The following ULK2 variants were observed in gnomAD, a reference collection of about 807,000 sequenced individuals.
The protein encoded by ULK2 is serine/threonine-protein kinase ULK2.
ULK2 carries 76 observed loss-of-function variants against 127.5 expected under a neutral mutation model. The ratio of observed to expected loss-of-function variants is 0.60; its 90% CI spans 0.50 to 0.72. The LOEUF (loss-of-function observed/expected upper bound fraction) is 0.72. ULK2 is among the 30% of genes least tolerant of loss of function. The pLI, the probability that ULK2 is intolerant of heterozygous loss-of-function variation, is 0.00. For synonymous variants in ULK2, 452 were observed against 461.9 expected (o/e 0.98, Z 0.28); for missense variants, 1,144 against 1,295.9 (o/e 0.88, Z 1.80).
intron 14 of ULK2, among the ~76,000 whole-genome samples, chr17:19,807,678 A>C (rs1268937588): frequency 6.6e-6 from 1 of 152,108 alleles, no homozygotes; most frequent in Non-Finnish European, 1.5e-5. Context: ...GCAGCACATC[A>C]AAAGAAGTGA....
Position 19,804,694 on chromosome 17 carries a change from T to C in ULK2, c.1294A>G (p.Arg432Gly), listed in dbSNP as rs1210580180. The change falls in exon 15 of 27, where the codon AGA (arginine) becomes GGA (glycine). Residue 432 changes from arginine (R) to glycine (G), a missense_variant and splice_region_variant. This residue lies in a region of ULK2 where 913 missense variants were observed against 970.5 expected (regional missense o/e 0.94). Coordinates refer to ENST00000395544, the MANE Select transcript of ULK2 (RefSeq NM_014683.4). Reference protein sequence around the residue: ...SSGTNVHGSPRSAVVRRSNTS... With the variant: ...SSGTNVHGSPGSAVVRRSNTS... Reference sequence around the variant, plus strand: ...GCAAGAAAAAAGCTACTAACTTACCTTGGAGAACCATGTACATTTGTGCCT... The same window carrying C: ...GCAAGAAAAAAGCTACTAACTTACCCTGGAGAACCATGTACATTTGTGCCT... 6.3e-7 allele frequency: 1 copy of C among 1,591,714 alleles called. No homozygotes were observed. The highest frequency in any genetic ancestry group is 8.6e-7 in the Non-Finnish European group (1 of 1,169,300).
chr17:19,836,895 ACT>A (rs1224286325), intron 10 of ULK2, among the ~76,000 whole-genome samples: 3 of 151,966 alleles, frequency 2.0e-5, no homozygotes, highest in Admixed American at 6.6e-5. Flanking sequence ...ACAGAGCGAG[ACT>A]CTGTCTCAAA....
Position 19,852,263 on chromosome 17 carries a change from T to C in ULK2, c.226-2489A>G, listed in dbSNP as rs2152400157. On this transcript the variant is annotated intron_variant, in intron 3 of 26. Transcript: ENST00000395544. ...AGCACTGGGCGCAGTGGCTCACGCCTGTAATCCCAGCACTTTGGGAGGCCG... is the reference window on the plus strand; with the variant it reads ...AGCACTGGGCGCAGTGGCTCACGCCCGTAATCCCAGCACTTTGGGAGGCCG... 2.6e-5 allele frequency among the ~76,000 whole-genome samples: 4 copies of C among 152,004 alleles called. 1 individual carries two copies. In the Middle Eastern group the frequency reaches 0.014, roughly 517 times the overall value.
chr17:19,778,908 T>C (rs970942480), intron 25 of ULK2, among the ~76,000 whole-genome samples: 3 of 152,190 alleles, frequency 2.0e-5, no homozygotes, highest in African/African-American at 7.2e-5. Context: ...AACGGAGGAA[T>C]TTATAAGTTA....
rs2086902959 is a variant in ULK2 at position 19,780,846 on chromosome 17, A to G, written c.2758+140T>C. 4.1e-6 allele frequency: 4 copies of G among 970,906 alleles called. No homozygotes were observed. In the South Asian group the frequency reaches 5.1e-5, roughly 12 times the overall value. 60.1% of individuals were successfully genotyped at this position (970,906 alleles called of 1,614,324 possible). A position where few individuals can be genotyped will look rare whatever the true frequency, so the allele number is the denominator to read the frequency against. ...CTATCAATTGAACTGCAAAAAGCTA[A>G]CAACCCAGCATCTTTTCCCTTTAAG... is the stretch of plus-strand genomic sequence containing the variant. On this transcript the variant is annotated intron_variant, in intron 24 of 26. Coordinates refer to ENST00000395544, the MANE Select transcript of ULK2 (RefSeq NM_014683.4).
At chr17:19,780,717 G>C in intron 24 of ULK2, 88 bp from the exon 25 acceptor site, 1 of 1,350,842 alleles carries the variant, frequency 7.4e-7, no homozygotes, top group Non-Finnish European at 1.0e-6. Flanking sequence ...TGATATATAG[G>C]GAAGGTGTCA....
intron 5 of ULK2, among the ~76,000 whole-genome samples, chr17:19,847,413 T>G (rs987542349): frequency 6.6e-6 from 1 of 152,220 alleles, no homozygotes; most frequent in East Asian, 1.9e-4. Flanking sequence ...CTGCATCTAC[T>G]CTGTCCTTTT....
Position 19,797,441 on chromosome 17 carries a change from C to A in ULK2, c.1764G>T (p.Trp588Cys), listed in dbSNP as rs867494204. ...TTGTTGGCAAAGGAGTTTTAAAGAA[C>A]CAGTCAGAACTCCGTGGAGAGGACC... ...HLGSSPRSSD[W>C]FFKTPLPTII... Residue 588 changes from tryptophan (W) to cysteine (C), a missense_variant, in exon 18 of 27, where the codon TGG becomes TGT. Coordinates refer to ENST00000395544, the MANE Select transcript of ULK2 (RefSeq NM_014683.4). 1 of 1,613,478 alleles carries A rather than the reference C, an allele frequency of 6.2e-7. No homozygotes were observed. The highest frequency in any genetic ancestry group is 8.5e-7 in the Non-Finnish European group (1 of 1,179,840).
chr17:19,849,515 T>C (rs1567723147), intron 4 of ULK2, 110 bp from the exon 5 acceptor site: 2 of 1,154,874 alleles, frequency 1.7e-6, no homozygotes, highest in Non-Finnish European at 2.5e-6. Context: ...CATGTAAATA[T>C]AGCCTAAAAA....
intron 22 of ULK2, 42 bp downstream of exon 22, chr17:19,783,655 C>G (rs751699863): frequency 1.0e-5 from 14 of 1,378,840 alleles, no homozygotes; most frequent in Non-Finnish European, 1.3e-5. Flanking sequence ...GTTCTCATAT[C>G]AAATCAACAT....
chr17:19,802,756 G>A (rs2087427121), intron 15 of ULK2, among the ~76,000 whole-genome samples: 1 of 152,158 alleles, frequency 6.6e-6, no homozygotes, highest in Admixed American at 6.5e-5. Context: ...ATGTGGATCT[G>A]AAACCAGATT....
chr17:19,811,762 A>G (rs2087646303), intron 13 of ULK2, among the ~76,000 whole-genome samples: 1 of 152,178 alleles, frequency 6.6e-6, no homozygotes, highest in South Asian at 2.1e-4. Flanking sequence ...TTTGAAACTC[A>G]ATAATTTGAT....
rs2041896649 is a variant in ULK2 at position 19,846,895 on chromosome 17, C to A, written c.311G>T (p.Ser104Ile). The change falls in exon 6 of 27, where the codon AGT becomes ATT. Residue 104 changes from serine (S) to isoleucine (I), a missense_variant. Physicochemically the swap from Ser to Ile is moderately radical, Grantham distance 142 (BLOSUM62 -2). This residue lies in a region of ULK2 where 231 missense variants were observed against 325.4 expected (regional missense o/e 0.71). Coordinates refer to ENST00000395544, the MANE Select transcript of ULK2 (RefSeq NM_014683.4). ...ADYLQAKGTL[S>I]EDTIRVFLHQ... is the part of the protein sequence containing the mutation. ...CAGAAACACTCTGATCGTGTCTTCA[C>A]TGAGAGTCCCTTTCGCTGGTACAAA... The A allele has an allele frequency of 4.3e-6, 7 of 1,609,536 alleles. No individual in the cohort carries two copies. Among genetic ancestry groups the A allele is most frequent in the Non-Finnish European group, 5.9e-6 (7 of 1,178,198 alleles).
rs1410207079 is a variant in ULK2, at chr17:19,810,448, A to G, written c.1097-10T>C. 1 of 1,572,730 alleles carries G rather than the reference A, an allele frequency of 6.4e-7. No homozygotes were observed. Among genetic ancestry groups the G allele is most frequent in the Non-Finnish European group, 8.7e-7 (1 of 1,154,190 alleles). On this transcript the variant is annotated splice_polypyrimidine_tract_variant and intron_variant, in intron 13 of 26. Coordinates refer to ENST00000395544, the MANE Select transcript of ULK2 (RefSeq NM_014683.4). Reference sequence around the variant, plus strand: ...CCCACTGGCATATCACCTAAAGGAGAGAAAAGAACAATCAGTTCCTGTTAT... The same window carrying G: ...CCCACTGGCATATCACCTAAAGGAGGGAAAAGAACAATCAGTTCCTGTTAT...
At chr17:19,783,581 G>T in intron 22 of ULK2, 116 bp downstream of exon 22, 1 of 1,052,050 alleles carries the variant, frequency 9.5e-7, no homozygotes, top group Admixed American at 3.1e-5. Context: ...AACAGAAAAG[G>T]CACGTTAAAG....
rs2086929854 is a variant in ULK2, at chr17:19,782,025, T to C, written c.2503A>G (p.Met835Val). ...AGGTCCAGCACACACTCAGTGAACA[T>C]CAGCATCACATTCAGATGGCGTAAG... is the stretch of plus-strand genomic sequence containing the variant. Reference protein sequence around the residue: ...DTLRHLNVMLMFTECVLDLTA... With the variant: ...DTLRHLNVMLVFTECVLDLTA... The change falls in exon 23 of 27, where the codon ATG becomes GTG. Residue 835 changes from methionine (M) to valine (V), a missense_variant. By Grantham distance (21) the Met-to-Val change is conservative. This residue lies in a region of ULK2 where 913 missense variants were observed against 970.5 expected (regional missense o/e 0.94). Coordinates refer to ENST00000395544, the MANE Select transcript of ULK2 (RefSeq NM_014683.4). 3 of 1,614,054 alleles carry C rather than the reference T, an allele frequency of 1.9e-6. No homozygotes were observed. The highest frequency in any genetic ancestry group is 2.5e-6 in the Non-Finnish European group (3 of 1,180,038).
rs2086737923 is a variant in ULK2, at chr17:19,771,643, A to C, written c.*4706T>G. The C allele has an allele frequency of 6.6e-6, 1 of 152,168 alleles. No homozygotes were observed. The highest frequency in any genetic ancestry group is 1.5e-5 in the Non-Finnish European group (1 of 68,036). 9.4% of individuals were successfully genotyped at this position (152,168 alleles called of 1,614,324 possible). The stretch of plus-strand genomic sequence containing the variant: ...CTGGGCAAAGAATTTCATATTCATT[A>C]ACTTATTTCTCACCTCAACTCTGTG... On this transcript the variant is annotated 3_prime_UTR_variant, in exon 27 of 27. Coordinates refer to ENST00000395544, the MANE Select transcript of ULK2 (RefSeq NM_014683.4).
At chr17:19,863,391 G>T (rs2042283786) in intron 3 of ULK2, among the ~76,000 whole-genome samples, 1 of 151,982 alleles carries the variant, frequency 6.6e-6, no homozygotes, top group African/African-American at 2.4e-5. Flanking sequence ...ATGCTGACCT[G>T]CCCTGCAGTG....
rs1412510597 is a variant in ULK2 at position 19,772,504 on chromosome 17, G to A, written c.*3845C>T. ...AAATAGGCACAGATACTTCCAGGAT[G>A]CATGTAACAATACCAAGTTCTCTGA... On this transcript the variant is annotated 3_prime_UTR_variant, in exon 27 of 27. Transcript: ENST00000395544. 2 of 152,224 alleles carry A rather than the reference G, an allele frequency of 1.3e-5. No homozygotes were observed. The highest frequency in any genetic ancestry group is 2.9e-5 in the Non-Finnish European group (2 of 68,046). The allele number at this position is 152,224 out of a possible 1,614,324, so 9.4% of individuals were successfully genotyped here.
Sources: gnomAD v4.1 joint callset for allele counts (sites outside exome capture counted in the v4.1 genomes callset) on GRCh38, gnomAD v4.1.1 for gene constraint, gnomAD v4.1.1 regional missense constraint, MANE v1.5 for transcripts, NCBI Gene and HGNC (gene_info 2026-07-23, HGNC 2026-07-21) for gene names.